Variants in PLXNA2 observed in about 807,000 individuals in gnomAD.
The protein encoded by PLXNA2 is plexin-A2.
Under a neutral mutation model 193.5 loss-of-function variants are expected in PLXNA2, and 91 were observed. The ratio of observed to expected loss-of-function variants is 0.47; its 90% CI spans 0.40 to 0.56. The LOEUF (loss-of-function observed/expected upper bound fraction) is 0.56. Ranked by LOEUF, PLXNA2 falls within the 20% of genes least tolerant of loss-of-function variation. PLXNA2 has a pLI of 0.00. For synonymous variants in PLXNA2, 997 were observed against 1,027.3 expected, an observed-to-expected ratio of 0.97 and a Z score of 0.56; for missense variants, 1,995 against 2,503.2, an observed-to-expected ratio of 0.80 and a Z score of 4.33.
At chr1:208,129,645 CT>C (rs960415033) in intron 4 of PLXNA2, among the ~76,000 whole-genome samples, 2 of 152,244 alleles carry the variant, frequency 1.3e-5, no homozygotes, top group African/African-American at 4.8e-5. Flanking sequence ...AGCCCCTCCC[CT>C]CTCACGATTC....
At chr1:208,080,495 A>G (rs1475595569) in intron 11 of PLXNA2, among the ~76,000 whole-genome samples, 1 of 152,306 alleles carries the variant, frequency 6.6e-6, no homozygotes, top group Admixed American at 6.5e-5. Flanking sequence ...TCTTTTGGTC[A>G]AGCACATGTA....
chr1:208,129,796 A>G (rs1192294279), intron 4 of PLXNA2, among the ~76,000 whole-genome samples: 2 of 152,188 alleles, frequency 1.3e-5, no homozygotes, highest in African/African-American at 4.8e-5. Flanking sequence ...TGTATGTGTG[A>G]TAGTGCAAGG....
intron 3 of PLXNA2, among the ~76,000 whole-genome samples, chr1:208,204,013 G>A (rs1181781869): frequency 6.6e-6 from 1 of 152,224 alleles, no homozygotes; most frequent in Non-Finnish European, 1.5e-5. Context: ...CGATTACAAA[G>A]AGAAGAATAG....
At chr1:208,064,724 T>G (rs1252634455) in intron 12 of PLXNA2, among the ~76,000 whole-genome samples, 1 of 152,168 alleles carries the variant, frequency 6.6e-6, no homozygotes, top group African/African-American at 2.4e-5. Flanking sequence ...GCATCCTGCC[T>G]TCTGTATTTC....
chr1:208,112,979 G>C (rs979748351), intron 4 of PLXNA2, among the ~76,000 whole-genome samples: 1 of 123,096 alleles, frequency 8.1e-6, no homozygotes, highest in African/African-American at 3.1e-5. Context: ...CCCTTTCTAG[G>C]AAGTTCTGGT....
At chr1:208,230,736 C>T (rs899187864) in intron 1 of PLXNA2, among the ~76,000 whole-genome samples, 1 of 152,236 alleles carries the variant, frequency 6.6e-6, no homozygotes, top group South Asian at 2.1e-4. Context: ...GCTTCTTAAG[C>T]AGGCTATGTC....
chr1:208,182,880 A>G (rs1004424081), intron 3 of PLXNA2, among the ~76,000 whole-genome samples: 1 of 152,086 alleles, frequency 6.6e-6, no homozygotes, highest in Non-Finnish European at 1.5e-5. Context: ...GGCTAGGGGT[A>G]GGGGACAGTA....
chr1:208,196,044 G>A (rs1302782968), intron 3 of PLXNA2, among the ~76,000 whole-genome samples: 1 of 152,102 alleles, frequency 6.6e-6, no homozygotes, highest in Non-Finnish European at 1.5e-5. Context: ...CCTTGCTAGT[G>A]ACAAGATAAC....
Position 208,079,307 on chromosome 1 carries a change from C to A in PLXNA2, c.2539G>T (p.Asp847Tyr), listed in dbSNP as rs201952593. The change falls in exon 12 of 32, where the codon GAC becomes TAC. Residue 847 changes from aspartate (D) to tyrosine (Y), a missense_variant. This residue lies in a region of PLXNA2 where 1,291 missense variants were observed against 1,673.6 expected (regional missense o/e 0.77). Coordinates refer to ENST00000367033, the MANE Select transcript of PLXNA2 (RefSeq NM_025179.4). ...HCTSPSSPWL[D>Y]WSSHNVKCSN... is the part of the protein sequence containing the mutation. The stretch of plus-strand genomic sequence containing the variant: ...CACTTGACATTGTGGCTGGACCAGT[C>A]GAGCCAGGGGCTGGAAGGGCTGGTA... The A allele has an allele frequency of 5.0e-6, 8 of 1,612,894 alleles. No homozygotes were observed. In the South Asian group the frequency reaches 5.5e-5, roughly 11 times the overall value.
At chr1:208,075,928 C>T (rs530829768) in intron 12 of PLXNA2, among the ~76,000 whole-genome samples, 4 of 149,180 alleles carry the variant, frequency 2.7e-5, no homozygotes, top group African/African-American at 9.8e-5. Context: ...CGTGGTGGTG[C>T]ATGCCTGTTG....
chr1:208,092,930 G>T, intron 8 of PLXNA2, 30 bp from the exon 9 acceptor site: 1 of 1,493,420 alleles, frequency 6.7e-7, no homozygotes, highest in South Asian at 1.1e-5. Flanking sequence ...GAGAGGCAAA[G>T]AGAAGAGAAC....
At chr1:208,116,311 T>C (rs367591959) in intron 4 of PLXNA2, among the ~76,000 whole-genome samples, 93 of 152,392 alleles carry the variant, frequency 6.1e-4, no homozygotes, top group African/African-American at 2.1e-3. Context: ...AGATTACTTA[T>C]AGGGCTCTTC....
At chr1:208,107,652 G>A (rs937401787) in intron 4 of PLXNA2, among the ~76,000 whole-genome samples, 4 of 152,148 alleles carry the variant, frequency 2.6e-5, no homozygotes, top group East Asian at 3.8e-4. Context: ...CGCGTCGGGC[G>A]CCCTCTGTCA....
At chr1:208,161,755 G>T (rs1462665986) in intron 3 of PLXNA2, among the ~76,000 whole-genome samples, 10 of 152,188 alleles carry the variant, frequency 6.6e-5, no homozygotes, top group Admixed American at 2.0e-4. Flanking sequence ...TAACGGTCTT[G>T]GTTCTCATCA....
intron 1 of PLXNA2, 155 bp from the exon 2 acceptor site, chr1:208,218,157 A>T: frequency 1.6e-6 from 1 of 628,054 alleles, no homozygotes. Context: ...TCTCCCTCTT[A>T]GGAATGTTCA....
At position 208,082,124 on chromosome 1, in the gene PLXNA2, T is replaced by C. The variant is rs982954841; in HGVS notation, c.2395+288A>G. On this transcript the variant is annotated intron_variant, in intron 11 of 31. Coordinates refer to ENST00000367033, the MANE Select transcript of PLXNA2 (RefSeq NM_025179.4). The surrounding 1 kb of genome is among the most constrained non-coding windows in gnomAD (Gnocchi z 4.2). ...AAACTAGCCGGACGTTCCTGCCTGCTGTTCTCCTAGGTCAGGTTCCACAGA... is the reference window on the plus strand; with the variant it reads ...AAACTAGCCGGACGTTCCTGCCTGCCGTTCTCCTAGGTCAGGTTCCACAGA... Among the ~76,000 whole-genome samples the C allele has an allele frequency of 1.3e-5, 2 of 152,188 alleles. No homozygotes were observed. The highest frequency in any genetic ancestry group is 1.5e-5 in the Non-Finnish European group (1 of 68,032).
chr1:208,159,953 G>A (rs1233831153), intron 3 of PLXNA2, among the ~76,000 whole-genome samples: 1 of 152,180 alleles, frequency 6.6e-6, no homozygotes, highest in Non-Finnish European at 1.5e-5. Flanking sequence ...CATGGCTTCT[G>A]CAGTGAGCTC....
chr1:208,162,481 C>T (rs988901075), intron 3 of PLXNA2, among the ~76,000 whole-genome samples: 2 of 152,146 alleles, frequency 1.3e-5, no homozygotes, highest in African/African-American at 4.8e-5. Context: ...TCAAGGTGAG[C>T]CCTGAGGTCC....
chr1:208,083,388 C>A (rs529695160), intron 10 of PLXNA2, among the ~76,000 whole-genome samples: 2 of 152,144 alleles, frequency 1.3e-5, no homozygotes, highest in Admixed American at 1.3e-4. Flanking sequence ...GGCATCTTCC[C>A]GACCCCCCAC....
Sources: allele counts gnomAD v4.1 joint callset (sites outside exome capture counted in the v4.1 genomes callset), GRCh38; gene constraint gnomAD v4.1.1; regional missense constraint gnomAD v4.1.1; non-coding constraint Gnocchi (gnomAD v3.1); transcripts MANE v1.5; gene names NCBI Gene and HGNC (gene_info 2026-07-23, HGNC 2026-07-21).